Variants in SZT2 observed in about 807,000 individuals in gnomAD.
SZT2 encodes SZT2 subunit of KICSTOR complex, also known as KICSTOR complex protein SZT2.
A neutral mutation model predicts 404.2 loss-of-function variants in SZT2; 216 were observed. The ratio of observed to expected loss-of-function variants is 0.53; its 90% CI spans 0.48 to 0.60. The LOEUF (loss-of-function observed/expected upper bound fraction) is 0.60. SZT2 is among the 20% of genes least tolerant of loss of function. SZT2 has a pLI of 0.00. For synonymous variants in SZT2, 1,693 were observed against 1,749.9 expected (o/e 0.97, Z 0.81); for missense variants, 3,857 against 4,459.2 (o/e 0.86, Z 3.85).
In SZT2 at chr1:43,404,486, TC is replaced by T; in HGVS notation, c.436del (p.Gln146SerfsTer6). The T allele has an allele frequency of 6.2e-7, 1 of 1,614,072 alleles. No individual in the cohort carries two copies. Among genetic ancestry groups the T allele is most frequent in the Admixed American group, 1.7e-5 (1 of 60,026 alleles). ...PFRVPGSCID[F>X]QPEIYVTIQA... ...CGAGTGCCTGGATCTTGCATCGACT[TC>T]CAGCCTGAGATCTATGTAACTATCC... On this transcript the variant is annotated frameshift_variant, in exon 4 of 72. Transcript: ENST00000634258. LOFTEE classifies it high-confidence loss of function.
chr1:43,450,978 C>T lies in SZT2; in HGVS notation c.*498C>T, dbSNP rs541575087. 3.4e-5 allele frequency: 26 copies of T among 764,114 alleles called. No homozygotes were observed. Among genetic ancestry groups the T allele is most frequent in the South Asian group, 5.4e-5 (4 of 73,770 alleles). 47.3% of individuals were successfully genotyped at this position (764,114 alleles called of 1,614,324 possible). A position where few individuals can be genotyped will look rare whatever the true frequency, so the allele number is the denominator to read the frequency against. ...CTGCCTTTGAAGCACTTGTGGCCACCGTCAAGTCCCTTTGCTCTCGGACCC... is the reference window on the plus strand; with the variant it reads ...CTGCCTTTGAAGCACTTGTGGCCACTGTCAAGTCCCTTTGCTCTCGGACCC... On this transcript the variant is annotated 3_prime_UTR_variant, in exon 72 of 72. Coordinates refer to ENST00000634258, the MANE Select transcript of SZT2 (RefSeq NM_001365999.1). This position sits in a 1 kb window ranked among gnomAD's most constrained non-coding sequence, Gnocchi z 4.3.
At position 43,439,038 on chromosome 1, in the gene SZT2, T is replaced by C. The variant is rs1654766541; in HGVS notation, c.6737T>C (p.Leu2246Pro). The change falls in exon 48 of 72, where the codon CTC becomes CCC. Residue 2246 changes from leucine to proline, a missense_variant. Leu to Pro is a moderately conservative substitution (Grantham distance 98). Coordinates refer to ENST00000634258, the MANE Select transcript of SZT2 (RefSeq NM_001365999.1). The surrounding 1 kb of genome is among the most constrained non-coding windows in gnomAD (Gnocchi z 4.2). ...GCATGGTACCTACGGCAGAACTTGC[T>C]CATCTTCCTGCACTCTCCCAAGTAC... ...ALAWYLRQNL[L>P]IFLHSPKYTD... The C allele has an allele frequency of 6.2e-7, 1 of 1,614,200 alleles. No homozygotes were observed. Among genetic ancestry groups the C allele is most frequent in the Non-Finnish European group, 8.5e-7 (1 of 1,180,040 alleles).
rs1396292251 is a variant in SZT2 at position 43,442,768 on chromosome 1, G to T, written c.8152-51G>T. ...AGAGAGGAAGCCCTGGGATGAGAGAGAGGGTCCGAGGGCAAAGGCTATGAA... is the reference window on the plus strand; with the variant it reads ...AGAGAGGAAGCCCTGGGATGAGAGATAGGGTCCGAGGGCAAAGGCTATGAA... On this transcript the variant is annotated intron_variant, in intron 58 of 71. Transcript: ENST00000634258. This position sits in a 1 kb window ranked among gnomAD's most constrained non-coding sequence, Gnocchi z 4.5. 1 of 1,545,030 alleles carries T rather than the reference G, an allele frequency of 6.5e-7. No individual in the cohort carries two copies.
At chr1:43,446,477 C>G (rs1360694516) in intron 65 of SZT2, 61 bp downstream of exon 65, 1 of 1,598,000 alleles carries the variant, frequency 6.3e-7, no homozygotes, top group Non-Finnish European at 8.6e-7. Context: ...CAGCATGGCT[C>G]CATGTCCCAT....
chr1:43,404,241 T>C, intron 3 of SZT2, 139 bp from the exon 4 acceptor site: 1 of 716,250 alleles, frequency 1.4e-6, no homozygotes, highest in Non-Finnish European at 2.3e-6. Flanking sequence ...CCCCAGAAAC[T>C]GTTCCATGTG....
Position 43,424,535 on chromosome 1 carries a change from C to G in SZT2, c.2471+103C>G. 2 of 1,233,298 alleles carry G rather than the reference C, an allele frequency of 1.6e-6. No homozygotes were observed. The highest frequency in any genetic ancestry group is 2.3e-6 in the Non-Finnish European group (2 of 876,132). The allele number at this position is 1,233,298 out of a possible 1,614,324, so 76.4% of individuals were successfully genotyped here. On this transcript the variant is annotated intron_variant, in intron 16 of 71. Transcript: ENST00000634258. This position sits in a 1 kb window ranked among gnomAD's most constrained non-coding sequence, Gnocchi z 4.1. Reference sequence around the variant, plus strand: ...TAGCACACACTTCTCCTCTCTAATTCCCAGTCTGAAGTATAGAGCAGCATC... The same window carrying G: ...TAGCACACACTTCTCCTCTCTAATTGCCAGTCTGAAGTATAGAGCAGCATC...
Position 43,432,434 on chromosome 1 carries a change from G to A in SZT2, c.5437G>A (p.Gly1813Arg). 1 of 1,563,136 alleles carries A rather than the reference G, an allele frequency of 6.4e-7. No individual in the cohort carries two copies. The highest frequency in any genetic ancestry group is 1.9e-5 in the Admixed American group (1 of 51,492). ...TGAGGACAGGGCTGAAGGCATCGAA[G>A]GGGAGGTGAGTCTCACCTGGGAATG... ...SHEDRAEGIE[G>R]ETLTASPQAP... Residue 1813 changes from glycine to arginine, a missense_variant, in exon 37 of 72, where the codon GGG (glycine) becomes AGG (arginine). Gly to Arg is a moderately radical substitution (Grantham distance 125). Around this residue, in one of 7 missense-constraint regions of SZT2, gnomAD observed 1,725 missense variants for 1,881.0 expected, o/e 0.92. Transcript: ENST00000634258.
At chr1:43,402,279 C>T (rs1649775856) in intron 1 of SZT2, among the ~76,000 whole-genome samples, 1 of 152,120 alleles carries the variant, frequency 6.6e-6, no homozygotes, top group African/African-American at 2.4e-5. Flanking sequence ...CAGGAAGAGA[C>T]ATTGGGGAGT....
At position 43,430,321 on chromosome 1, in the gene SZT2, C is replaced by T; in HGVS notation, c.4412C>T (p.Pro1471Leu). The stretch of plus-strand genomic sequence containing the variant: ...CATTCTTTTGCCTAGGATGAGGGGC[C>T]TCGGGACACAGTAGACAGAAAAATC... ...PPSSRREDEG[P>L]RDTVDRKISD... Residue 1471 changes from proline (P) to leucine (L), a missense_variant, in exon 31 of 72, where the codon CCT (proline) becomes CTT (leucine). By Grantham distance (98) the Pro-to-Leu change is moderately conservative (BLOSUM62 -3). Around this residue, in one of 7 missense-constraint regions of SZT2, gnomAD observed 1,725 missense variants for 1,881.0 expected, o/e 0.92. Transcript: ENST00000634258. 6.2e-7 allele frequency: 1 copy of T among 1,613,726 alleles called. No homozygotes were observed. The highest frequency in any genetic ancestry group is 8.5e-7 in the Non-Finnish European group (1 of 1,179,922).
rs778819671 is a variant in SZT2 at position 43,451,021 on chromosome 1, A to C, written c.*541A>C. 1 of 770,508 alleles carries C rather than the reference A, an allele frequency of 1.3e-6. No individual in the cohort carries two copies. The highest frequency in any genetic ancestry group is 1.7e-5 in the Admixed American group (1 of 58,998). 47.7% of individuals were successfully genotyped at this position (770,508 alleles called of 1,614,324 possible). On this transcript the variant is annotated 3_prime_UTR_variant, in exon 72 of 72. Transcript: ENST00000634258. ...TCGGACCCTGGGTTTCTCATCCTTT[A>C]ATGAGGTGGGTTCAGAAGCTCTCCC...
chr1:43,439,855 C>T lies in SZT2; in HGVS notation c.7043-26C>T. The T allele has an allele frequency of 1.9e-6, 3 of 1,573,214 alleles. No individual in the cohort carries two copies. Among genetic ancestry groups the T allele is most frequent in the Non-Finnish European group, 2.6e-6 (3 of 1,159,162 alleles). Reference sequence around the variant, plus strand: ...GAGTAGAGTGGGATCTAGGGACACCCTCAAGTGTCCCTGTTCTCCTTCCAG... The same window carrying T: ...GAGTAGAGTGGGATCTAGGGACACCTTCAAGTGTCCCTGTTCTCCTTCCAG... On this transcript the variant is annotated intron_variant, in intron 50 of 71. Coordinates refer to ENST00000634258, the MANE Select transcript of SZT2 (RefSeq NM_001365999.1). This position sits in a 1 kb window ranked among gnomAD's most constrained non-coding sequence, Gnocchi z 4.2.
At chr1:43,402,241 G>A (rs867140019) in intron 1 of SZT2, among the ~76,000 whole-genome samples, 26 of 152,210 alleles carry the variant, frequency 1.7e-4, no homozygotes, top group Middle Eastern at 3.2e-3. Flanking sequence ...GAGAAAGGGA[G>A]TAATGAATGT....
chr1:43,445,039 GC>G (rs1288155037), intron 62 of SZT2, among the ~76,000 whole-genome samples: 1 of 152,088 alleles, frequency 6.6e-6, no homozygotes, highest in Admixed American at 6.5e-5. Context: ...GGCCAGGCTG[GC>G]CCCTCCTACC....
Position 43,439,417 on chromosome 1 carries a change from T to C in SZT2, c.6852T>C (p.Pro2284=), listed in dbSNP as rs1377332756. Reference sequence around the variant, plus strand: ...TGGACATCTACTTGTATAACAAGCCTGGTGGACAGGGCACTGGGGGCAAAG... The same window carrying C: ...TGGACATCTACTTGTATAACAAGCCCGGTGGACAGGGCACTGGGGGCAAAG... ...PDLDIYLYNK[P]GGQGTGGKGV... is the part of the protein sequence containing the mutation. The change falls in exon 49 of 72, where the codon CCT becomes CCC. Residue 2284 remains proline (P), a synonymous_variant. Coordinates refer to ENST00000634258, the MANE Select transcript of SZT2 (RefSeq NM_001365999.1). The surrounding 1 kb of genome is among the most constrained non-coding windows in gnomAD (Gnocchi z 4.2). 1.9e-6 allele frequency: 3 copies of C among 1,612,948 alleles called. No homozygotes were observed. Among genetic ancestry groups the C allele is most frequent in the Admixed American group, 3.3e-5 (2 of 59,896 alleles).
chr1:43,424,744 C>T lies in SZT2; in HGVS notation c.2472-40C>T. The T allele has an allele frequency of 6.4e-7, 1 of 1,569,286 alleles. No homozygotes were observed. Among genetic ancestry groups the T allele is most frequent in the Non-Finnish European group, 8.8e-7 (1 of 1,140,136 alleles). ...GCTTGTAGTCTCAGTGTCTCTTCTT[C>T]CCTTATCCTGGCCTTGCCCCGGCCT... On this transcript the variant is annotated intron_variant, in intron 16 of 71. Coordinates refer to ENST00000634258, the MANE Select transcript of SZT2 (RefSeq NM_001365999.1). The surrounding 1 kb of genome is among the most constrained non-coding windows in gnomAD (Gnocchi z 4.1).
At position 43,445,913 on chromosome 1, in the gene SZT2, A is replaced by G. The variant is rs1463839880; in HGVS notation, c.8845A>G (p.Met2949Val). 1.2e-6 allele frequency: 2 copies of G among 1,614,094 alleles called. No individual in the cohort carries two copies. The highest frequency in any genetic ancestry group is 1.3e-5 in the African/African-American group (1 of 74,942). ...PARSTSRPRA[M>V]AILGTEGRGS... ...CTATAGCACCAGCCGGCCACGGGCC[A>G]TGGCTATCCTTGGAACAGAGGGTCG... Residue 2949 changes from methionine (M) to valine (V), a missense_variant, in exon 63 of 72, where the codon ATG becomes GTG. Around this residue, in one of 7 missense-constraint regions of SZT2, gnomAD observed 717 missense variants for 868.2 expected, o/e 0.83. Transcript: ENST00000634258.
chr1:43,430,907 T>C (rs1402627497), intron 32 of SZT2, 42 bp from the exon 33 acceptor site: 2 of 1,598,416 alleles, frequency 1.3e-6, no homozygotes, highest in South Asian at 2.3e-5. Flanking sequence ...TCTGTGCTTG[T>C]CTTAGAGCCC....
Position 43,434,378 on chromosome 1 carries a change from C to T in SZT2, c.5805-8C>T, listed in dbSNP as rs1654242342. On this transcript the variant is annotated splice_polypyrimidine_tract_variant and splice_region_variant and intron_variant, in intron 40 of 71. Coordinates refer to ENST00000634258, the MANE Select transcript of SZT2 (RefSeq NM_001365999.1). ...TGCAGTTCTGGTCAGATTATCCTTC[C>T]TTCCCAGGAGCCTGATTCGGGAGGA... is the stretch of plus-strand genomic sequence containing the variant. 1 of 1,586,294 alleles carries T rather than the reference C, an allele frequency of 6.3e-7. No individual in the cohort carries two copies.
rs1336243241 is a variant in SZT2 at position 43,451,342 on chromosome 1, G to A, written c.*862G>A. The A allele has an allele frequency of 6.2e-7, 1 of 1,612,842 alleles. No homozygotes were observed. The highest frequency in any genetic ancestry group is 8.5e-7 in the Non-Finnish European group (1 of 1,179,938). On this transcript the variant is annotated 3_prime_UTR_variant, in exon 72 of 72. Transcript: ENST00000634258. ...GGGAGAGGGAGGCCTCGGCACCTCA[G>A]CCCACAAGGAGAAAACAGCCCCTGT...
Sources: gnomAD v4.1 joint callset for allele counts (sites outside exome capture counted in the v4.1 genomes callset) on GRCh38, gnomAD v4.1.1 for gene constraint, gnomAD v4.1.1 regional missense constraint, Gnocchi (gnomAD v3.1) non-coding constraint, MANE v1.5 for transcripts, NCBI Gene and HGNC (gene_info 2026-07-23, HGNC 2026-07-21) for gene names.